Variants in DCC observed in about 807,000 individuals in gnomAD.
DCC encodes DCC netrin 1 receptor.
Under a neutral mutation model 172.5 loss-of-function variants are expected in DCC, and 58 were observed. The observed-to-expected ratio is 0.34, with a 90% CI of 0.27 to 0.42. The LOEUF (loss-of-function observed/expected upper bound fraction) is 0.42. Ranked by LOEUF, DCC falls within the 10% of genes least tolerant of loss-of-function variation. DCC has a pLI of 1.00. For missense variants in DCC, 1,740 were observed against 1,791.0 expected, an observed-to-expected ratio of 0.97 and a Z score of 0.51; for synonymous variants, 709 against 644.5, an observed-to-expected ratio of 1.10 and a Z score of -1.52.
Position 52,906,136 on chromosome 18 carries a change from C to T in DCC, c.505C>T (p.Pro169Ser). 1 of 1,614,074 alleles carries T rather than the reference C, an allele frequency of 6.2e-7. No individual in the cohort carries two copies. The highest frequency in any genetic ancestry group is 8.5e-7 in the Non-Finnish European group (1 of 1,179,978). The change falls in exon 3 of 29, where the codon CCA becomes TCA. Residue 169 changes from proline (P) to serine (S), a missense_variant. Pro to Ser is a moderately conservative substitution (Grantham distance 74, BLOSUM62 -1). This residue lies in a region of DCC where 1,732 missense variants were observed against 1,767.4 expected (regional missense o/e 0.98). Coordinates refer to ENST00000442544, the MANE Select transcript of DCC (RefSeq NM_005215.4). ...GTGTGAAGTCATTGGGGAGCCCATG[C>T]CAACAATCCACTGGCAGAAGAACCA... ...LKCEVIGEPM[P>S]TIHWQKNQQD...
intron 13 of DCC, among the ~76,000 whole-genome samples, chr18:53,317,015 G>A (rs1406986917): frequency 1.3e-5 from 2 of 152,200 alleles, no homozygotes; most frequent in Non-Finnish European, 2.9e-5. Context: ...GGGCATCCTT[G>A]TCTTGTGCCG....
intron 1 of DCC, among the ~76,000 whole-genome samples, chr18:52,387,574 T>C (rs919496535): frequency 4.1e-5 from 5 of 121,996 alleles, no homozygotes; most frequent in East Asian, 2.3e-4. Flanking sequence ...TTGTTTTGTT[T>C]CTTCCTTCCT....
At chr18:53,149,311 T>C (rs1051605701) in intron 7 of DCC, among the ~76,000 whole-genome samples, 6 of 152,162 alleles carry the variant, frequency 3.9e-5, no homozygotes, top group African/African-American at 1.4e-4. Flanking sequence ...ATGCTAGGTA[T>C]GGTGAGCAGC....
chr18:53,027,147 C>A (rs537828028), intron 5 of DCC, among the ~76,000 whole-genome samples: 1 of 152,210 alleles, frequency 6.6e-6, no homozygotes, highest in East Asian at 1.9e-4. Context: ...GAAAAGCATA[C>A]CCTCCTTAGG....
At chr18:53,420,165 G>T (rs1375768442) in intron 21 of DCC, among the ~76,000 whole-genome samples, 1 of 152,080 alleles carries the variant, frequency 6.6e-6, no homozygotes, top group Non-Finnish European at 1.5e-5. Flanking sequence ...CAAAAGCCCT[G>T]ATTTTAACCA....
intron 12 of DCC, among the ~76,000 whole-genome samples, chr18:53,234,963 G>C (rs1318975744): frequency 6.6e-6 from 1 of 152,024 alleles, no homozygotes; most frequent in Non-Finnish European, 1.5e-5. Flanking sequence ...GTCACAAACG[G>C]ACAGTCATAT....
At chr18:53,144,776 T>A (rs1313362180) in intron 7 of DCC, among the ~76,000 whole-genome samples, 1 of 152,126 alleles carries the variant, frequency 6.6e-6, no homozygotes, top group Non-Finnish European at 1.5e-5. Flanking sequence ...TTTGAGACTG[T>A]ACGTAACTGA....
chr18:53,293,630 T>C (rs2057031790), intron 12 of DCC, among the ~76,000 whole-genome samples: 1 of 152,130 alleles, frequency 6.6e-6, no homozygotes, highest in African/African-American at 2.4e-5. Flanking sequence ...TCGCACCCTA[T>C]ACCTTCAAGT....
intron 1 of DCC, among the ~76,000 whole-genome samples, chr18:52,618,767 C>T (rs529011871): frequency 1.3e-5 from 2 of 152,278 alleles, no homozygotes; most frequent in South Asian, 2.1e-4. Context: ...TATTGCTTTA[C>T]CTTCTTTTCA....
chr18:52,945,333 ACAC>A (rs1568203350), intron 5 of DCC, among the ~76,000 whole-genome samples: 1 of 152,194 alleles, frequency 6.6e-6, no homozygotes, highest in Non-Finnish European at 1.5e-5. Context: ...TTTCTACACT[ACAC>A]AAATTTAATA....
chr18:53,523,079 C>A (rs1030550811), intron 27 of DCC, among the ~76,000 whole-genome samples: 1 of 151,806 alleles, frequency 6.6e-6, no homozygotes. Flanking sequence ...GAAGAAAATA[C>A]ACAACCCCTT....
intron 12 of DCC, among the ~76,000 whole-genome samples, chr18:53,246,960 A>T (rs2056372208): frequency 6.6e-6 from 1 of 152,048 alleles, no homozygotes; most frequent in African/African-American, 2.4e-5. Context: ...GTTGGGTTTC[A>T]TATAAGGTGG....
intron 12 of DCC, among the ~76,000 whole-genome samples, chr18:53,283,076 T>A (rs1797496132): frequency 6.6e-6 from 1 of 152,122 alleles, no homozygotes; most frequent in South Asian, 2.1e-4. Flanking sequence ...TATTACAAAG[T>A]GAATGTTTTT....
At chr18:52,511,089 G>T (rs950671179) in intron 1 of DCC, among the ~76,000 whole-genome samples, 2 of 152,156 alleles carry the variant, frequency 1.3e-5, no homozygotes, top group South Asian at 2.1e-4. Context: ...AAACTATCCT[G>T]ACTAACATGG....
intron 27 of DCC, among the ~76,000 whole-genome samples, chr18:53,526,025 G>A (rs947520476): frequency 6.6e-6 from 1 of 152,058 alleles, no homozygotes; most frequent in African/African-American, 2.4e-5. Context: ...TGCCTCTTAT[G>A]ATTTTCATGA....
At position 53,472,858 on chromosome 18, in the gene DCC, C is replaced by A. The variant is rs545532486; in HGVS notation, c.3736+4848C>A. ...GTCTGCCAAGAAAAACAAAACAAAC[C>A]AAACAAATTTTTAAAAACGTTTTTA... On this transcript the variant is annotated intron_variant, in intron 25 of 28. Transcript: ENST00000442544. Among the ~76,000 whole-genome samples the A allele has an allele frequency of 2.0e-5, 3 of 152,248 alleles. No homozygotes were observed. The East Asian group carries it at 5.8e-4, about 29-fold the overall frequency.
At chr18:52,659,612 C>G (rs1187335873) in intron 1 of DCC, among the ~76,000 whole-genome samples, 1 of 152,208 alleles carries the variant, frequency 6.6e-6, no homozygotes, top group Non-Finnish European at 1.5e-5. Flanking sequence ...TGAACATGTG[C>G]AGATGCCCTG....
chr18:53,174,936 T>C, intron 8 of DCC, among the ~76,000 whole-genome samples: 1 of 152,180 alleles, frequency 6.6e-6, no homozygotes, highest in Non-Finnish European at 1.5e-5. Context: ...AGTAAAATAC[T>C]GGCAAAACGA....
intron 1 of DCC, among the ~76,000 whole-genome samples, chr18:52,710,743 G>A (rs1439635432): frequency 6.6e-6 from 1 of 152,226 alleles, no homozygotes; most frequent in Non-Finnish European, 1.5e-5. Context: ...GGGAATTTTT[G>A]TAAGAGATTT....
Sources: gnomAD v4.1 joint callset for allele counts (sites outside exome capture counted in the v4.1 genomes callset) on GRCh38, gnomAD v4.1.1 for gene constraint, gnomAD v4.1.1 regional missense constraint, MANE v1.5 for transcripts, NCBI Gene and HGNC (gene_info 2026-07-23, HGNC 2026-07-21) for gene names.